The following PTPRD variants were observed in gnomAD, a reference collection of about 807,000 sequenced individuals.
PTPRD encodes receptor-type tyrosine-protein phosphatase delta.
A neutral mutation model predicts 214.5 loss-of-function variants in PTPRD; 34 were observed. The observed-to-expected ratio is 0.16, with a 90% CI of 0.12 to 0.21. The LOEUF is 0.21. Among genes scored for constraint, PTPRD ranks in the 10% least tolerant of loss-of-function variants. The pLI is 1.00. For synonymous variants in PTPRD, 1,128 were observed against 845.7 expected (o/e 1.33, Z -5.79); for missense variants, 2,545 against 2,398.7 (o/e 1.06, Z -1.27).
At chr9:10,420,416 A>T in intron 2 of PTPRD, among the ~76,000 whole-genome samples, 1 of 152,008 alleles carries the variant, frequency 6.6e-6, no homozygotes, top group East Asian at 2.0e-4. Context: ...CTTGACTTAG[A>T]GATTAGAACT....
intron 37 of PTPRD, among the ~76,000 whole-genome samples, chr9:8,388,651 C>T (rs955548896): frequency 6.6e-5 from 10 of 152,144 alleles, no homozygotes; most frequent in Non-Finnish European, 1.0e-4. Context: ...GCTATGACTC[C>T]ATTATTAAAA....
chr9:9,329,692 A>G (rs567917923), intron 9 of PTPRD, among the ~76,000 whole-genome samples: 27 of 152,214 alleles, frequency 1.8e-4, no homozygotes, highest in Non-Finnish European at 3.4e-4. Context: ...GTTACAACAA[A>G]CTAGATGAAC....
chr9:9,371,274 T>C (rs2059424827), intron 9 of PTPRD, among the ~76,000 whole-genome samples: 1 of 152,110 alleles, frequency 6.6e-6, no homozygotes, highest in African/African-American at 2.4e-5. Flanking sequence ...GTATTAATTA[T>C]TGCCTCAATT....
At chr9:10,592,147 C>A (rs1057202198) in intron 2 of PTPRD, among the ~76,000 whole-genome samples, 1 of 152,076 alleles carries the variant, frequency 6.6e-6, no homozygotes, top group South Asian at 2.1e-4. Context: ...AGTTATTTTG[C>A]CAAAACATCC....
chr9:9,643,648 C>A (rs895073847), intron 7 of PTPRD, among the ~76,000 whole-genome samples: 32 of 152,226 alleles, frequency 2.1e-4, no homozygotes, highest in African/African-American at 7.2e-4. Flanking sequence ...ATCAAACGAA[C>A]AAAATCTATT....
intron 2 of PTPRD, among the ~76,000 whole-genome samples, chr9:10,491,934 A>T (rs527702065): frequency 1.8e-4 from 27 of 151,644 alleles, no homozygotes; most frequent in African/African-American, 6.0e-4. Context: ...TCATTGTTCA[A>T]CTCCCACTTA....
At chr9:10,534,212 T>G (rs527455957) in intron 2 of PTPRD, among the ~76,000 whole-genome samples, 1 of 151,952 alleles carries the variant, frequency 6.6e-6, no homozygotes, top group Non-Finnish European at 1.5e-5. Flanking sequence ...TTTTAAACTT[T>G]AACATCAGAG....
At chr9:9,804,842 A>G (rs999258663) in intron 5 of PTPRD, among the ~76,000 whole-genome samples, 1 of 151,498 alleles carries the variant, frequency 6.6e-6, no homozygotes, top group African/African-American at 2.4e-5. Context: ...AATTTCATCC[A>G]CATTTTACAT....
At chr9:9,378,471 C>G (rs994829394) in intron 9 of PTPRD, among the ~76,000 whole-genome samples, 1 of 152,142 alleles carries the variant, frequency 6.6e-6, no homozygotes. Context: ...ATGAATAATG[C>G]TGTTATAAAC....
At chr9:10,461,506 G>C (rs2098958544) in intron 2 of PTPRD, among the ~76,000 whole-genome samples, 1 of 151,846 alleles carries the variant, frequency 6.6e-6, no homozygotes, top group Admixed American at 6.6e-5. Context: ...TCAGCCTTTT[G>C]CAAAGGAGAT....
intron 9 of PTPRD, among the ~76,000 whole-genome samples, chr9:9,213,508 T>C (rs1031290805): frequency 7.1e-6 from 1 of 141,770 alleles, no homozygotes; most frequent in Non-Finnish European, 1.6e-5. Flanking sequence ...TGCCCTGTTT[T>C]CCTGGTTTTT....
intron 7 of PTPRD, among the ~76,000 whole-genome samples, chr9:9,635,832 T>C (rs569871956): frequency 6.6e-6 from 1 of 152,166 alleles, no homozygotes; most frequent in Non-Finnish European, 1.5e-5. Flanking sequence ...CATATCAATC[T>C]ACTTCTCTAC....
At chr9:9,977,211 T>C (rs2095388382) in intron 4 of PTPRD, among the ~76,000 whole-genome samples, 1 of 152,162 alleles carries the variant, frequency 6.6e-6, no homozygotes, top group Non-Finnish European at 1.5e-5. Context: ...CTACTATTTG[T>C]GACGTACTAT....
At chr9:9,883,579 G>C (rs2069604540) in intron 5 of PTPRD, among the ~76,000 whole-genome samples, 1 of 152,102 alleles carries the variant, frequency 6.6e-6, no homozygotes, top group Non-Finnish European at 1.5e-5. Flanking sequence ...AAGAAGAATA[G>C]ATCATCTTTT....
At chr9:8,383,399 C>T (rs1046356560) in intron 37 of PTPRD, among the ~76,000 whole-genome samples, 6 of 151,926 alleles carry the variant, frequency 3.9e-5, no homozygotes, top group Non-Finnish European at 8.8e-5. Flanking sequence ...TTAACACCAG[C>T]CCAGTCTCTT....
At chr9:8,776,599 AAGT>A (rs2010114223) in intron 11 of PTPRD, among the ~76,000 whole-genome samples, 1 of 152,002 alleles carries the variant, frequency 6.6e-6, no homozygotes, top group Admixed American at 6.6e-5. Flanking sequence ...GCCTAAGAAT[AAGT>A]ATTTATTAAA....
intron 43 of PTPRD, among the ~76,000 whole-genome samples, chr9:8,332,557 A>ATTGAAGAGCAGTCTTTCTT (rs1196692112): frequency 6.6e-6 from 1 of 152,142 alleles, no homozygotes; most frequent in Admixed American, 6.6e-5. Flanking sequence ...AAAAAGCCAG[A>ATTGAAGAGCAGTCTTTCTT]TTGAAGAGCA....
intron 11 of PTPRD, among the ~76,000 whole-genome samples, chr9:8,884,500 A>C (rs1274232729): frequency 6.6e-6 from 1 of 152,184 alleles, no homozygotes; most frequent in Non-Finnish European, 1.5e-5. Context: ...CTAAGTGATG[A>C]GACTAGACAT....
intron 10 of PTPRD, among the ~76,000 whole-genome samples, chr9:9,124,352 A>G (rs1233532516): frequency 6.6e-6 from 1 of 152,178 alleles, no homozygotes; most frequent in African/African-American, 2.4e-5. Context: ...CCTTGTGCCA[A>G]AATGAGAATT....
Sources: allele counts gnomAD v4.1 joint callset (sites outside exome capture counted in the v4.1 genomes callset), GRCh38; gene constraint gnomAD v4.1.1; transcripts MANE v1.5; gene names NCBI Gene and HGNC (gene_info 2026-07-23, HGNC 2026-07-21).